The following PLEKHG4 variants were observed in gnomAD, a reference collection of about 807,000 sequenced individuals.
PLEKHG4 encodes the protein puratrophin-1.
Under a neutral mutation model 136.9 loss-of-function variants are expected in PLEKHG4, and 85 were observed. That is an observed-to-expected ratio of 0.62 (90% CI 0.52 to 0.74). The LOEUF is 0.74. Ranked by LOEUF, PLEKHG4 falls within the 30% of genes least tolerant of loss-of-function variation. The pLI is 0.00. For synonymous variants in PLEKHG4, 577 were observed against 646.9 expected (o/e 0.89, Z 1.64); for missense variants, 1,317 against 1,527.8 (o/e 0.86, Z 2.30).
chr16:67,282,743 T>C lies in PLEKHG4; in HGVS notation c.1394T>C (p.Ile465Thr), dbSNP rs142061089. ...TTTTCCCTGCTTGTGCTCCTCCAGA[T>C]TGAAGTGTGGCTGCAGCAGGTGGGC... ...LEARESGLHQ[I>T]EVWLQQVGWP... Residue 465 changes from isoleucine to threonine, a missense_variant and splice_region_variant, in exon 11 of 22, where the codon ATT becomes ACT. Ile to Thr is a moderately conservative substitution (Grantham distance 89). Transcript: ENST00000379344. 7 of 1,613,454 alleles carry C rather than the reference T, an allele frequency of 4.3e-6. No individual in the cohort carries two copies. Among genetic ancestry groups the C allele is most frequent in the South Asian group, 2.2e-5 (2 of 91,082 alleles).
Position 67,280,304 on chromosome 16 carries a change from T to C in PLEKHG4, c.260T>C (p.Val87Ala), listed in dbSNP as rs1367924615. 6.2e-7 allele frequency: 1 copy of C among 1,613,642 alleles called. No homozygotes were observed. The highest frequency in any genetic ancestry group is 1.7e-5 in the Admixed American group (1 of 60,024). The change falls in exon 2 of 22, where the codon GTA becomes GCA. Residue 87 changes from valine to alanine, a missense_variant. By Grantham distance (64) the Val-to-Ala change is moderately conservative. Coordinates refer to ENST00000379344, the MANE Select transcript of PLEKHG4 (RefSeq NM_001129729.3). This position sits in a 1 kb window ranked among gnomAD's most constrained non-coding sequence, Gnocchi z 4.4. ...TCGGGGGATGCCCAGAGGGGCACAG[T>C]AGAAAGCTCCTCAGTCCTGTCAGAA... is the stretch of plus-strand genomic sequence containing the variant. ...DESGDAQRGT[V>A]ESSSVLSEGP...
At position 67,285,024 on chromosome 16, in the gene PLEKHG4, C is replaced by T. The variant is rs760475856; in HGVS notation, c.2004C>T (p.Ala668=). The change falls in exon 13 of 22, where the codon GCC becomes GCT. Residue 668 remains alanine, a synonymous_variant. Transcript: ENST00000379344. The part of the protein sequence containing the change: ...LCVSQVPAAP[A]HPPLRKAYSF... The stretch of plus-strand genomic sequence containing the variant: ...TCAGCCAGGTCCCCGCTGCACCTGC[C>T]CACCCTCCCCTGAGGAAGGCCTACA... 2 of 1,613,578 alleles carry T rather than the reference C, an allele frequency of 1.2e-6. No individual in the cohort carries two copies. Among genetic ancestry groups the T allele is most frequent in the African/African-American group, 1.3e-5 (1 of 75,050 alleles).
In PLEKHG4 at chr16:67,285,431, T is replaced by C. The variant is rs781526156; in HGVS notation, c.2337T>C (p.Phe779=). Residue 779 remains phenylalanine (F), a synonymous_variant, in exon 14 of 22, where the codon TTT becomes TTC. Transcript: ENST00000379344. ...QGLRGQRAHL[F]GNLEKLRDFH... is the part of the protein sequence containing the mutation. The stretch of plus-strand genomic sequence containing the variant: ...TCCGCGGTCAGCGTGCCCACCTCTT[T>C]GGCAACCTGGAGAAGCTGCGGGACT... 1.2e-6 allele frequency: 2 copies of C among 1,614,210 alleles called. No homozygotes were observed. Among genetic ancestry groups the C allele is most frequent in the Non-Finnish European group, 1.7e-6 (2 of 1,180,038 alleles).
chr16:67,280,393 C>G lies in PLEKHG4; in HGVS notation c.349C>G (p.Gln117Glu), dbSNP rs780154084. 6.2e-7 allele frequency: 1 copy of G among 1,611,082 alleles called. No individual in the cohort carries two copies. The highest frequency in any genetic ancestry group is 8.5e-7 in the Non-Finnish European group (1 of 1,178,192). The change falls in exon 2 of 22, where the codon CAG becomes GAG. Residue 117 changes from glutamine (Q) to glutamate (E), a missense_variant. Transcript: ENST00000379344. The surrounding 1 kb of genome is among the most constrained non-coding windows in gnomAD (Gnocchi z 4.4). Reference sequence around the variant, plus strand: ...CATGTCCTCCCACCTCAGCTTGGCACAGGGTGAGAGTGACACCCCAGGGGT... The same window carrying G: ...CATGTCCTCCCACCTCAGCTTGGCAGAGGGTGAGAGTGACACCCCAGGGGT... Reference protein sequence around the residue: ...CPMSSHLSLAQGESDTPGVGL... With the variant: ...CPMSSHLSLAEGESDTPGVGL...
chr16:67,282,787 G>T lies in PLEKHG4; in HGVS notation c.1438G>T (p.Ala480Ser), dbSNP rs151151438. Residue 480 changes from alanine (A) to serine (S), a missense_variant, in exon 11 of 22, where the codon GCT (alanine) becomes TCT (serine). By Grantham distance (99) the Ala-to-Ser change is moderately conservative. Coordinates refer to ENST00000379344, the MANE Select transcript of PLEKHG4 (RefSeq NM_001129729.3). ...QQVGWPALEE[A>S]GEPSLDMLLQ... is the part of the protein sequence containing the mutation. ...GGTGGGCTGGCCAGCACTGGAGGAG[G>T]CTGGGGAGCCCTCGCTGGACATGCT... is the stretch of plus-strand genomic sequence containing the variant. The T allele has an allele frequency of 1.5e-4, 244 of 1,613,360 alleles. No individual in the cohort carries two copies. Among genetic ancestry groups the T allele is most frequent in the Non-Finnish European group, 2.0e-4 (232 of 1,180,032 alleles).
chr16:67,287,959 T>C lies in PLEKHG4; in HGVS notation c.3165T>C (p.Ala1055=), dbSNP rs1194277908. Residue 1055 remains alanine (A), a synonymous_variant, in exon 19 of 22, where the codon GCT becomes GCC. Coordinates refer to ENST00000379344, the MANE Select transcript of PLEKHG4 (RefSeq NM_001129729.3). ...GVGNKAFRDI[A]PSEEAINDRT... ...GGAACAAGGCCTTCCGAGACATTGC[T>C]CCCAGCGAGGAAGCCATCAACGACC... The C allele has an allele frequency of 6.2e-7, 1 of 1,613,594 alleles. No homozygotes were observed. The highest frequency in any genetic ancestry group is 1.7e-5 in the Admixed American group (1 of 59,980).
Position 67,280,023 on chromosome 16 carries a change from G to C in PLEKHG4, c.-22G>C. The C allele has an allele frequency of 6.2e-7, 1 of 1,609,984 alleles. No homozygotes were observed. The highest frequency in any genetic ancestry group is 1.1e-5 in the South Asian group (1 of 90,890). On this transcript the variant is annotated 5_prime_UTR_variant, in exon 2 of 22. Transcript: ENST00000379344. The surrounding 1 kb of genome is among the most constrained non-coding windows in gnomAD (Gnocchi z 4.4). Reference sequence around the variant, plus strand: ...AGCCCTCTCCCGCTGGCCCCGAGCAGGCCCACCTTTAGGAGGGCGTGATGG... The same window carrying C: ...AGCCCTCTCCCGCTGGCCCCGAGCACGCCCACCTTTAGGAGGGCGTGATGG...
rs10500540 is a variant in PLEKHG4 at position 67,283,816 on chromosome 16, T to G, written c.1510-459T>G. On this transcript the variant is annotated intron_variant, in intron 11 of 21. Coordinates refer to ENST00000379344, the MANE Select transcript of PLEKHG4 (RefSeq NM_001129729.3). ...CCAGGTGTTTGGATGACATTTGAAG[T>G]TGGTCACACAAGAGTGCCTGGGAGA... 3.5e-3 allele frequency among the ~76,000 whole-genome samples: 528 copies of G among 151,966 alleles called. 1 individual carries two copies. The highest frequency in any genetic ancestry group is 0.011 in the African/African-American group (466 of 41,410).
At chr16:67,286,688 G>T in intron 16 of PLEKHG4, 22 bp downstream of exon 16, 1 of 1,588,534 alleles carries the variant, frequency 6.3e-7, no homozygotes. Context: ...CAGGGCAAGG[G>T]CAGTGGGTGT....
In PLEKHG4 at chr16:67,288,221, A is replaced by G. The variant is rs1181771023; in HGVS notation, c.3275A>G (p.Tyr1092Cys). The change falls in exon 20 of 22, where the codon TAC becomes TGC. Residue 1092 changes from tyrosine (Y) to cysteine (C), a missense_variant. Coordinates refer to ENST00000379344, the MANE Select transcript of PLEKHG4 (RefSeq NM_001129729.3). ...AVAPFDHDSL[Y>C]LGASNSLPGD... ...GCCCCGTTTGACCATGACAGCCTCT[A>G]CCTGGGGGCCTCGAACTCCCTTCCT... The G allele has an allele frequency of 6.2e-7, 1 of 1,613,706 alleles. No homozygotes were observed. The highest frequency in any genetic ancestry group is 8.5e-7 in the Non-Finnish European group (1 of 1,179,962).
In PLEKHG4 at chr16:67,281,736, C is replaced by T. The variant is rs778264379; in HGVS notation, c.904C>T (p.Pro302Ser). 59 of 1,613,952 alleles carry T rather than the reference C, an allele frequency of 3.7e-5. No individual in the cohort carries two copies. Among genetic ancestry groups the T allele is most frequent in the Admixed American group, 8.3e-5 (5 of 60,008 alleles). The change falls in exon 7 of 22, where the codon CCT (proline) becomes TCT (serine). Residue 302 changes from proline (P) to serine (S), a missense_variant. Physicochemically the swap from Pro to Ser is moderately conservative, Grantham distance 74. Transcript: ENST00000379344. ...VPSGLQLEQL[P>S]SQSLLTHIPT... ...TCTTCTCCTGTAGCTGGAGCAGTTG[C>T]CTTCTCAGAGCCTGCTGACCCACAT...
In PLEKHG4 at chr16:67,282,338, C is replaced by T; in HGVS notation, c.1242C>T (p.Ser414=). 3 of 1,612,512 alleles carry T rather than the reference C, an allele frequency of 1.9e-6. No homozygotes were observed. Among genetic ancestry groups the T allele is most frequent in the Non-Finnish European group, 2.5e-6 (3 of 1,179,746 alleles). Residue 414 remains serine (S), a synonymous_variant, in exon 9 of 22, where the codon AGC becomes AGT. Coordinates refer to ENST00000379344, the MANE Select transcript of PLEKHG4 (RefSeq NM_001129729.3). ...LKQEVPEVTL[S]PDYRTAMDKA... ...AAGAGGTCCCAGAGGTGACCCTGAG[C>T]CCAGACTACAGGTGAGTGCAAGCCC...
Position 67,284,632 on chromosome 16 carries a change from T to G in PLEKHG4, c.1693-81T>G. The G allele has an allele frequency of 2.6e-6, 4 of 1,544,344 alleles. No individual in the cohort carries two copies. The highest frequency in any genetic ancestry group is 3.5e-6 in the Non-Finnish European group (4 of 1,129,310). On this transcript the variant is annotated intron_variant, in intron 12 of 21. Coordinates refer to ENST00000379344, the MANE Select transcript of PLEKHG4 (RefSeq NM_001129729.3). The surrounding 1 kb of genome is among the most constrained non-coding windows in gnomAD (Gnocchi z 4.4). ...TGTCCTGGACAGCATCCTGTGGGGA[T>G]GGGGAGTGGGTAGAGGAGCAGAGTG...
rs753247007 is a variant in PLEKHG4, at chr16:67,282,645, G to C, written c.1392+4G>C. The C allele has an allele frequency of 6.2e-7, 1 of 1,613,838 alleles. No homozygotes were observed. Among genetic ancestry groups the C allele is most frequent in the South Asian group, 1.1e-5 (1 of 91,090 alleles). On this transcript the variant is annotated splice_donor_region_variant and intron_variant, in intron 10 of 21. Transcript: ENST00000379344. ...CCGGGAAAGCGGACTGCACCAGGTC[G>C]GAACTACTTGCCCAGAGTGGGCCCT...
At position 67,281,192 on chromosome 16, in the gene PLEKHG4, C is replaced by CT; in HGVS notation, c.813+8_813+9insT. The stretch of plus-strand genomic sequence containing the variant: ...GGGCTCAGCCAACTACAAGTGAGTA[C>CT]AGGATTGTAGCTCCCCTCATTCCTT... On this transcript the variant is annotated intron_variant, in intron 5 of 21. Coordinates refer to ENST00000379344, the MANE Select transcript of PLEKHG4 (RefSeq NM_001129729.3). 6.5e-7 allele frequency: 1 copy of CT among 1,539,764 alleles called. No homozygotes were observed.
In PLEKHG4 at chr16:67,288,585, G is replaced by A. The variant is rs1353596822; in HGVS notation, c.3551G>A (p.Gly1184Asp). 1.2e-6 allele frequency: 2 copies of A among 1,614,050 alleles called. No homozygotes were observed. Among genetic ancestry groups the A allele is most frequent in the South Asian group, 1.1e-5 (1 of 91,076 alleles). Residue 1184 changes from glycine to aspartate, a missense_variant, in exon 21 of 22, where the codon GGC (glycine) becomes GAC (aspartate). Physicochemically the swap from Gly to Asp is moderately conservative, Grantham distance 94. Transcript: ENST00000379344. ...SCVSGQALGR[G>D]LEDLPCV Reference sequence around the variant, plus strand: ...GTGTCAGGGCAGGCCCTGGGTAGGGGCCTGGAGGACTTACCCTGTGTGAGT... The same window carrying A: ...GTGTCAGGGCAGGCCCTGGGTAGGGACCTGGAGGACTTACCCTGTGTGAGT...
rs548974671 is a variant in PLEKHG4, at chr16:67,288,915, A to G, written c.*107A>G. 8.8e-6 allele frequency: 11 copies of G among 1,245,974 alleles called. No individual in the cohort carries two copies. The Admixed American group carries it at 1.3e-4, about 15-fold the overall frequency. The allele number at this position is 1,245,974 out of a possible 1,614,324, so 77.2% of individuals were successfully genotyped here. ...GTGGCTGACACCTGGGCTACCTCCA[A>G]CCTACATGTGCAACGCTGTTGACTA... On this transcript the variant is annotated 3_prime_UTR_variant, in exon 22 of 22. Coordinates refer to ENST00000379344, the MANE Select transcript of PLEKHG4 (RefSeq NM_001129729.3).
At position 67,279,984 on chromosome 16, in the gene PLEKHG4, T is replaced by A; in HGVS notation, c.-61T>A. The A allele has an allele frequency of 6.4e-7, 1 of 1,563,086 alleles. No individual in the cohort carries two copies. The highest frequency in any genetic ancestry group is 8.7e-7 in the Non-Finnish European group (1 of 1,147,042). On this transcript the variant is annotated 5_prime_UTR_variant, in exon 2 of 22. Transcript: ENST00000379344. ...CCCACTCGACTGTCTTCAGCGCGGT[T>A]CACACTGAGACCCAGCCCTCTCCCG...
At position 67,287,364 on chromosome 16, in the gene PLEKHG4, C is replaced by T. The variant is rs557800267; in HGVS notation, c.3103+187C>T. On this transcript the variant is annotated intron_variant, in intron 18 of 21. Transcript: ENST00000379344. ...TCACTGCCTCTGACTTTGGACACAA[C>T]GTGAACTTCTCTGAATATAAGGGGC... 6.6e-5 allele frequency among the ~76,000 whole-genome samples: 10 copies of T among 152,362 alleles called. No homozygotes were observed. In the South Asian group the frequency reaches 1.2e-3, roughly 19 times the overall value.
Sources: allele counts gnomAD v4.1 joint callset (sites outside exome capture counted in the v4.1 genomes callset), GRCh38; gene constraint gnomAD v4.1.1; non-coding constraint Gnocchi (gnomAD v3.1); transcripts MANE v1.5; gene names NCBI Gene and HGNC (gene_info 2026-07-23, HGNC 2026-07-21).